Variants in MAGI2 observed in about 807,000 individuals in gnomAD.
The protein encoded by MAGI2 is membrane-associated guanylate kinase, WW and PDZ domain-containing protein 2.
In MAGI2, 35 loss-of-function variants were observed where a neutral mutation model predicts 133.3. That is an observed-to-expected ratio of 0.26 (90% CI 0.20 to 0.35). The LOEUF is 0.35. Ranked by LOEUF, MAGI2 falls within the 10% of genes least tolerant of loss-of-function variation. The pLI, the probability that MAGI2 is intolerant of heterozygous loss-of-function variation, is 1.00. For missense variants in MAGI2, 1,636 were observed against 1,863.4 expected, an observed-to-expected ratio of 0.88 and a Z score of 2.25; for synonymous variants, 729 against 710.6, an observed-to-expected ratio of 1.03 and a Z score of -0.41.
intron 1 of MAGI2, among the ~76,000 whole-genome samples, chr7:79,394,804 AG>A (rs1435021274): frequency 1.3e-5 from 2 of 152,224 alleles, no homozygotes; most frequent in Non-Finnish European, 2.9e-5. Flanking sequence ...TTTCAAAGCA[AG>A]TCTTTCTCAC....
chr7:78,022,462 G>A (rs867650840), intron 21 of MAGI2, among the ~76,000 whole-genome samples: 8 of 152,236 alleles, frequency 5.3e-5, no homozygotes, highest in Non-Finnish European at 7.3e-5. Context: ...TTGAAGTAGA[G>A]AGAGGTTAAC....
chr7:78,934,547 A>G (rs1800375962), intron 2 of MAGI2, among the ~76,000 whole-genome samples: 1 of 152,254 alleles, frequency 6.6e-6, no homozygotes, highest in Admixed American at 6.5e-5. Context: ...ACAACCACAG[A>G]CTGTCCACAT....
At chr7:78,035,604 T>C (rs1402832264) in intron 21 of MAGI2, among the ~76,000 whole-genome samples, 1 of 152,188 alleles carries the variant, frequency 6.6e-6, no homozygotes, top group African/African-American at 2.4e-5. Context: ...CGAGGTTGAC[T>C]TCAGCCCTTG....
At chr7:78,520,825 T>C (rs1162186454) in intron 4 of MAGI2, among the ~76,000 whole-genome samples, 2 of 152,210 alleles carry the variant, frequency 1.3e-5, no homozygotes, top group African/African-American at 4.8e-5. Context: ...TTATTTTGCT[T>C]GTACAAGGTA....
chr7:79,317,364 T>C (rs923496237), intron 1 of MAGI2, among the ~76,000 whole-genome samples: 1 of 152,120 alleles, frequency 6.6e-6, no homozygotes, highest in Admixed American at 6.5e-5. Context: ...TCCCCTCATA[T>C]GTTATTGTCA....
intron 2 of MAGI2, among the ~76,000 whole-genome samples, chr7:78,866,201 G>A (rs1347849258): frequency 6.6e-6 from 1 of 152,146 alleles, no homozygotes; most frequent in East Asian, 1.9e-4. Flanking sequence ...CTGCTTAGAA[G>A]CATCATCATC....
intron 1 of MAGI2, among the ~76,000 whole-genome samples, chr7:79,028,475 G>A (rs754948873): frequency 7.9e-5 from 12 of 151,232 alleles, no homozygotes; most frequent in Non-Finnish European, 1.3e-4. Flanking sequence ...AAAGGAAGCC[G>A]ATGGTTAACT....
chr7:78,863,533 A>G (rs1306599286), intron 2 of MAGI2, among the ~76,000 whole-genome samples: 1 of 152,214 alleles, frequency 6.6e-6, no homozygotes, highest in Non-Finnish European at 1.5e-5. Flanking sequence ...GCACCCAGCT[A>G]TTCATGAGGG....
chr7:79,180,823 G>T (rs1463632151), intron 1 of MAGI2, among the ~76,000 whole-genome samples: 1 of 151,962 alleles, frequency 6.6e-6, no homozygotes, highest in Non-Finnish European at 1.5e-5. Context: ...TAGATACAAA[G>T]GGGGTACAGG....
chr7:78,321,589 C>G (rs905685986), intron 9 of MAGI2, among the ~76,000 whole-genome samples: 1 of 152,094 alleles, frequency 6.6e-6, no homozygotes, highest in Non-Finnish European at 1.5e-5. Context: ...GAAACTGGGC[C>G]CCTTCCTTAC....
chr7:78,183,178 A>G (rs1382281391), intron 13 of MAGI2, among the ~76,000 whole-genome samples: 1 of 152,202 alleles, frequency 6.6e-6, no homozygotes, highest in Non-Finnish European at 1.5e-5. Context: ...TATCTGAGTC[A>G]GAATCATAAC....
At chr7:79,385,132 C>T (rs1844081753) in intron 1 of MAGI2, among the ~76,000 whole-genome samples, 1 of 151,818 alleles carries the variant, frequency 6.6e-6, no homozygotes, top group Admixed American at 6.6e-5. Flanking sequence ...CTGAAATTTT[C>T]ATAGTAGTAC....
rs1796298334 is a variant in MAGI2, at chr7:78,519,271, T to A, written c.754+2159A>T. ...AACAAAGACATTTCAAGGACTGGGA[T>A]TGTCAAAGGACTTCTAATACTGGAT... is the stretch of plus-strand genomic sequence containing the variant. On this transcript the variant is annotated intron_variant, in intron 4 of 21. Transcript: ENST00000354212. 4 of 152,250 alleles carry A rather than the reference T, an allele frequency of 2.6e-5. No individual in the cohort carries two copies. The South Asian group carries it at 8.3e-4, about 32-fold the overall frequency. 9.4% of individuals were successfully genotyped at this position (152,250 alleles called of 1,614,324 possible).
At chr7:78,597,149 A>C (rs780494107) in intron 3 of MAGI2, among the ~76,000 whole-genome samples, 2 of 152,200 alleles carry the variant, frequency 1.3e-5, no homozygotes, top group Non-Finnish European at 2.9e-5. Flanking sequence ...AACCAGAAAG[A>C]CAAGCTTGAA....
intron 1 of MAGI2, among the ~76,000 whole-genome samples, chr7:79,008,074 C>T (rs1807645881): frequency 6.6e-6 from 1 of 151,922 alleles, no homozygotes; most frequent in Non-Finnish European, 1.5e-5. Flanking sequence ...TTCCTATTTC[C>T]ATACTGGAAA....
At chr7:78,811,976 C>G (rs1235533932) in intron 2 of MAGI2, among the ~76,000 whole-genome samples, 1 of 152,128 alleles carries the variant, frequency 6.6e-6, no homozygotes, top group Non-Finnish European at 1.5e-5. Flanking sequence ...AACCTGAGAA[C>G]CTGTCCTGGC....
At chr7:78,933,866 G>A (rs749089170) in intron 2 of MAGI2, among the ~76,000 whole-genome samples, 54 of 152,078 alleles carry the variant, frequency 3.6e-4, no homozygotes, top group Admixed American at 5.9e-4. Context: ...ATTTTAAAAA[G>A]CCATCTAGTA....
intron 9 of MAGI2, among the ~76,000 whole-genome samples, chr7:78,283,866 AG>A (rs1219183486): frequency 1.3e-5 from 2 of 152,180 alleles, no homozygotes; most frequent in African/African-American, 4.8e-5. Context: ...TTTAAATGTC[AG>A]TGAGCATGTA....
At chr7:78,788,947 C>G (rs1204072695) in intron 2 of MAGI2, among the ~76,000 whole-genome samples, 5 of 152,122 alleles carry the variant, frequency 3.3e-5, no homozygotes, top group African/African-American at 1.2e-4. Context: ...GAGGCCCGCT[C>G]CTTCTCCTGG....
Sources: gnomAD v4.1 joint callset for allele counts (sites outside exome capture counted in the v4.1 genomes callset) on GRCh38, gnomAD v4.1.1 for gene constraint, MANE v1.5 for transcripts, NCBI Gene and HGNC (gene_info 2026-07-23, HGNC 2026-07-21) for gene names.